The following DMXL1 variants were observed in gnomAD, a reference collection of about 807,000 sequenced individuals.
DMXL1 encodes the protein Dmx like 1.
DMXL1 carries 99 observed loss-of-function variants against 319.2 expected under a neutral mutation model. The observed-to-expected ratio is 0.31, with a 90% confidence interval of 0.26 to 0.37. The LOEUF is 0.37. DMXL1 is among the 10% of genes least tolerant of loss of function. The pLI is 1.00. For synonymous variants in DMXL1, 1,385 were observed against 1,235.2 expected, an observed-to-expected ratio of 1.12 and a Z score of -2.54; for missense variants, 3,745 against 3,595.6, an observed-to-expected ratio of 1.04 and a Z score of -1.06.
chr5:119,092,171 T>A lies in DMXL1; in HGVS notation c.88-5808T>A, dbSNP rs140792276. Among the ~76,000 whole-genome samples, 860 of 152,352 alleles carry A rather than the reference T, an allele frequency of 5.6e-3. 9 individuals carry two copies. Among genetic ancestry groups the A allele is most frequent in the African/African-American group, 0.02 (827 of 41,586 alleles). On this transcript the variant is annotated intron_variant, in intron 1 of 43. Coordinates refer to ENST00000539542, the MANE Select transcript of DMXL1 (RefSeq NM_001290321.3). ...ATTTCTGAAAATTGTCTTTTTTCAT[T>A]CCTGTGGCCCCAGGAACTGTCTTGT...
chr5:119,116,119 G>C (rs1308622851), intron 6 of DMXL1, 39 bp from the exon 7 acceptor site: 1 of 1,547,760 alleles, frequency 6.5e-7, no homozygotes, highest in Non-Finnish European at 8.7e-7. Context: ...CTTTAATTCT[G>C]ATCTCCATGA....
intron 34 of DMXL1, among the ~76,000 whole-genome samples, chr5:119,208,317 G>A (rs1302268311): frequency 6.6e-6 from 1 of 151,182 alleles, no homozygotes; most frequent in East Asian, 1.9e-4. Flanking sequence ...GGGTTCAAGC[G>A]ATTCTCCTGC....
chr5:119,170,096 A>T, intron 23 of DMXL1, 94 bp from the exon 24 acceptor site: 1 of 1,326,296 alleles, frequency 7.5e-7, no homozygotes, highest in Non-Finnish European at 1.0e-6. Context: ...AAGACTCTTT[A>T]GATAAAGGTG....
intron 2 of DMXL1, among the ~76,000 whole-genome samples, chr5:119,098,667 A>T (rs1003191698): frequency 1.3e-5 from 2 of 152,248 alleles, no homozygotes; most frequent in African/African-American, 4.8e-5. Flanking sequence ...CAAAAGTAAC[A>T]AAGTATAAAA....
chr5:119,189,291 CCA>C (rs1778292428), intron 28 of DMXL1, among the ~76,000 whole-genome samples: 1 of 151,972 alleles, frequency 6.6e-6, no homozygotes, highest in Admixed American at 6.6e-5. Flanking sequence ...AGATATAAGG[CCA>C]CATCATTACC....
intron 43 of DMXL1, among the ~76,000 whole-genome samples, chr5:119,246,231 G>A (rs544891056): frequency 1.3e-5 from 2 of 152,102 alleles, no homozygotes; most frequent in African/African-American, 4.8e-5. Flanking sequence ...GCTTTGCCTG[G>A]TCAGAGGGCC....
chr5:119,121,785 T>G (rs1356902783), intron 9 of DMXL1, among the ~76,000 whole-genome samples: 2 of 152,200 alleles, frequency 1.3e-5, no homozygotes, highest in East Asian at 1.9e-4. Context: ...CCGTTCTCAA[T>G]GAGCTGTTGG....
chr5:119,174,046 G>A (rs1012187673), intron 25 of DMXL1, among the ~76,000 whole-genome samples: 1 of 151,902 alleles, frequency 6.6e-6, no homozygotes, highest in African/African-American at 2.4e-5. Context: ...ACCCAGCTCA[G>A]TGCAGTTAGA....
At chr5:119,175,482 C>T (rs978724034) in intron 26 of DMXL1, 145 bp downstream of exon 26, 2 of 573,916 alleles carry the variant, frequency 3.5e-6, no homozygotes, top group East Asian at 3.3e-5. Flanking sequence ...ACTTTTTGTT[C>T]ATATTTGAAA....
rs922361817 is a variant in DMXL1 at position 119,118,747 on chromosome 5, C to T, written c.744-68C>T. ...TGGTACATTTAAGTAATTACAGAAA[C>T]ATCGTAGAATTTCTGTGATACTATG... On this transcript the variant is annotated intron_variant, in intron 7 of 43. Coordinates refer to ENST00000539542, the MANE Select transcript of DMXL1 (RefSeq NM_001290321.3). 17 of 1,212,434 alleles carry T rather than the reference C, an allele frequency of 1.4e-5. 1 individual carries two copies. Among genetic ancestry groups the T allele is most frequent in the Non-Finnish European group, 1.5e-5 (13 of 861,986 alleles). The allele number at this position is 1,212,434 out of a possible 1,614,324, so 75.1% of individuals were successfully genotyped here.
chr5:119,242,860 C>G (rs1317233135), intron 42 of DMXL1, among the ~76,000 whole-genome samples: 1 of 152,162 alleles, frequency 6.6e-6, no homozygotes, highest in Non-Finnish European at 1.5e-5. Flanking sequence ...AAACGATAGT[C>G]TTTTCAACAA....
chr5:119,185,743 T>G (rs1485401224), intron 28 of DMXL1, among the ~76,000 whole-genome samples: 1 of 152,176 alleles, frequency 6.6e-6, no homozygotes, highest in Non-Finnish European at 1.5e-5. Flanking sequence ...TCTCACGTGG[T>G]CTGCCTGTCT....
At chr5:119,125,739 T>C (rs1227295406) in intron 9 of DMXL1, among the ~76,000 whole-genome samples, 3 of 152,032 alleles carry the variant, frequency 2.0e-5, no homozygotes, top group African/African-American at 7.2e-5. Context: ...TACTTTTTTG[T>C]ATTTTTAATA....
chr5:119,164,799 A>G, intron 20 of DMXL1, 123 bp downstream of exon 20: 1 of 763,790 alleles, frequency 1.3e-6, no homozygotes, highest in Non-Finnish European at 2.0e-6. Context: ...GCTTTTGAAT[A>G]GTCTTTACAT....
intron 19 of DMXL1, among the ~76,000 whole-genome samples, chr5:119,163,808 C>G (rs1430080904): frequency 6.6e-6 from 1 of 152,166 alleles, no homozygotes; most frequent in Non-Finnish European, 1.5e-5. Context: ...ATCTCCTGAC[C>G]TCGTGATCCG....
At chr5:119,182,073 T>C (rs1776876901) in intron 28 of DMXL1, among the ~76,000 whole-genome samples, 4 of 152,172 alleles carry the variant, frequency 2.6e-5, no homozygotes, top group African/African-American at 9.7e-5. Flanking sequence ...TGATAAATTT[T>C]AGGTTGTAGG....
chr5:119,193,485 G>A (rs542590267), intron 29 of DMXL1, among the ~76,000 whole-genome samples: 32 of 152,118 alleles, frequency 2.1e-4, no homozygotes, highest in South Asian at 2.1e-4. Flanking sequence ...TTTCTTTGTA[G>A]CACATAATAC....
chr5:119,124,835 G>A (rs1241560564), intron 9 of DMXL1, among the ~76,000 whole-genome samples: 2 of 152,006 alleles, frequency 1.3e-5, no homozygotes, highest in East Asian at 3.9e-4. Context: ...CCAAGGTGGT[G>A]GGATTACAGG....
rs1760418041 is a variant in DMXL1 at position 119,114,626 on chromosome 5, A to C, written c.564+85A>C. 9 of 906,628 alleles carry C rather than the reference A, an allele frequency of 9.9e-6. No individual in the cohort carries two copies. The South Asian group carries it at 1.5e-4, about 15-fold the overall frequency. The allele number at this position is 906,628 out of a possible 1,614,324, so 56.2% of individuals were successfully genotyped here. A position where few individuals can be genotyped will look rare whatever the true frequency, so the allele number is the denominator to read the frequency against. ...AAACATCAACTGGCTTCATTCTTTTATTTATTTAACTTGAAAATAATAGTT... is the reference window on the plus strand; with the variant it reads ...AAACATCAACTGGCTTCATTCTTTTCTTTATTTAACTTGAAAATAATAGTT... On this transcript the variant is annotated intron_variant, in intron 6 of 43. Transcript: ENST00000539542.
Sources: allele counts gnomAD v4.1 joint callset (sites outside exome capture counted in the v4.1 genomes callset), GRCh38; gene constraint gnomAD v4.1.1; transcripts MANE v1.5; gene names NCBI Gene and HGNC (gene_info 2026-07-23, HGNC 2026-07-21).